The following BCAS4 variants were observed in gnomAD, a reference collection of about 807,000 sequenced individuals.
BCAS4 encodes the protein breast carcinoma-amplified sequence 4.
BCAS4 carries 9 observed loss-of-function variants against 15.7 expected under a neutral mutation model. The ratio of observed to expected loss-of-function variants is 0.57; its 90% CI spans 0.34 to 1.00. The LOEUF is 1.00. Among genes scored for constraint, BCAS4 ranks in the 50% least tolerant of loss-of-function variants. BCAS4 has a pLI of 0.02. For synonymous variants in BCAS4, 101 were observed against 99.5 expected (o/e 1.02, Z -0.09); for missense variants, 225 against 239.1 (o/e 0.94, Z 0.39).
At chr20:50,795,670 G>A (rs1024332877) in intron 1 of BCAS4, among the ~76,000 whole-genome samples, 8 of 152,260 alleles carry the variant, frequency 5.3e-5, no homozygotes, top group Non-Finnish European at 8.8e-5. Flanking sequence ...CTTCCGGCTG[G>A]AGGCATCTGT....
intron 1 of BCAS4, among the ~76,000 whole-genome samples, chr20:50,798,066 C>T (rs184681544): frequency 6.6e-6 from 1 of 151,884 alleles, no homozygotes; most frequent in African/African-American, 2.4e-5. Flanking sequence ...GAGGCCAGGG[C>T]AGGCGGATCA....
intron 3 of BCAS4, among the ~76,000 whole-genome samples, chr20:50,837,202 C>CG (rs766321442): frequency 8.5e-5 from 13 of 152,330 alleles, no homozygotes; most frequent in Admixed American, 2.0e-4. Context: ...AGTGGTAGAA[C>CG]TGGGGTTTCA....
intron 4 of BCAS4, among the ~76,000 whole-genome samples, chr20:50,857,579 C>T (rs1417622336): frequency 6.6e-6 from 1 of 152,220 alleles, no homozygotes; most frequent in Non-Finnish European, 1.5e-5. Context: ...AGGGGGACCG[C>T]TGCCATCTGA....
chr20:50,802,228 C>T (rs76487450), intron 1 of BCAS4, among the ~76,000 whole-genome samples: 20,985 of 152,016 alleles, frequency 0.14, 1,542 homozygotes, highest in South Asian at 0.16. Context: ...TTCATGGCCA[C>T]GTGGCTGCGG....
At chr20:50,879,874 T>G (rs4811098), downstream of BCAS4, 6 of 152,514 alleles carry the variant, frequency 3.9e-5, no homozygotes, top group Non-Finnish European at 7.3e-5. Flanking sequence ...ATGGCTCTGG[T>G]CTGATGGGTT....
chr20:50,813,963 G>GGCATTCATCTGCTC (rs1396667239), intron 1 of BCAS4, among the ~76,000 whole-genome samples: 1 of 152,106 alleles, frequency 6.6e-6, no homozygotes, highest in Non-Finnish European at 1.5e-5. Flanking sequence ...GAACAGCGAG[G>GGCATTCATCTGCTC]GCATTCATCT....
intron 4 of BCAS4, among the ~76,000 whole-genome samples, chr20:50,854,765 C>A (rs868671284): frequency 1.3e-5 from 2 of 152,206 alleles, no homozygotes; most frequent in Non-Finnish European, 2.9e-5. Flanking sequence ...CCAAACCCCC[C>A]CCACCATGCG....
intron 1 of BCAS4, among the ~76,000 whole-genome samples, chr20:50,808,102 T>C (rs867922358): frequency 6.8e-4 from 103 of 151,980 alleles, no homozygotes; most frequent in Middle Eastern, 3.4e-3. Context: ...TTAATAGAGA[T>C]GGGGTTTCAC....
At chr20:50,827,829 C>T (rs981918401) in intron 2 of BCAS4, among the ~76,000 whole-genome samples, 2 of 152,138 alleles carry the variant, frequency 1.3e-5, no homozygotes, top group African/African-American at 2.4e-5. Context: ...CGGGTTTAAG[C>T]GATTCTCCTG....
intron 1 of BCAS4, among the ~76,000 whole-genome samples, chr20:50,808,537 G>T (rs1266088027): frequency 2.0e-5 from 3 of 152,048 alleles, no homozygotes; most frequent in African/African-American, 4.8e-5. Context: ...TTGATTTTTT[G>T]ATTATAGCCA....
At chr20:50,875,476 C>G (rs1278128014) in intron 4 of BCAS4, among the ~76,000 whole-genome samples, 3 of 152,012 alleles carry the variant, frequency 2.0e-5, no homozygotes, top group Admixed American at 2.0e-4. Context: ...GAAGAAAAAT[C>G]AGTCCTGGCC....
intron 3 of BCAS4, among the ~76,000 whole-genome samples, chr20:50,838,461 G>C (rs529155306): frequency 1.7e-4 from 26 of 152,320 alleles, no homozygotes; most frequent in South Asian, 1.4e-3. Context: ...TGTAATCCCA[G>C]CACTTTGGGA....
chr20:50,859,466 TGAG>T (rs1978953354), intron 4 of BCAS4, among the ~76,000 whole-genome samples: 1 of 151,760 alleles, frequency 6.6e-6, no homozygotes, highest in Non-Finnish European at 1.5e-5. Context: ...GAGAGGTGTC[TGAG>T]GAGGAGGAGA....
chr20:50,876,545 C>T lies in BCAS4; in HGVS notation c.459C>T (p.Asp153=). 6.2e-7 allele frequency: 1 copy of T among 1,614,126 alleles called. No homozygotes were observed. The highest frequency in any genetic ancestry group is 8.5e-7 in the Non-Finnish European group (1 of 1,180,026). ...TGCCCACACTGTATAGGACGGAGGA[C>T]TATTTTCCTGTGGACGCCGGGGAAG... ...YELPTLYRTE[D]YFPVDAGEAQ... is the part of the protein sequence containing the mutation. Residue 153 remains aspartate (D), a synonymous_variant, in exon 5 of 5, where the codon GAC becomes GAT. Transcript: ENST00000371608.
At chr20:50,845,407 C>G (rs747938530) in intron 4 of BCAS4, among the ~76,000 whole-genome samples, 5 of 152,150 alleles carry the variant, frequency 3.3e-5, no homozygotes, top group South Asian at 2.1e-4. Context: ...CCTCCTCCCC[C>G]AGGGTGGACA....
chr20:50,837,315 A>G (rs895612623), intron 3 of BCAS4, among the ~76,000 whole-genome samples: 2 of 152,152 alleles, frequency 1.3e-5, no homozygotes, highest in African/African-American at 4.8e-5. Context: ...TTCTCCAGGC[A>G]TAGTGGCTCG....
chr20:50,826,549 A>G (rs1331992411), intron 2 of BCAS4, among the ~76,000 whole-genome samples: 3 of 152,228 alleles, frequency 2.0e-5, no homozygotes, highest in Admixed American at 1.3e-4. Flanking sequence ...GAGTTGCCAT[A>G]TTAACCCTAA....
At chr20:50,834,727 C>T (rs1188064981) in intron 3 of BCAS4, among the ~76,000 whole-genome samples, 8 of 152,176 alleles carry the variant, frequency 5.3e-5, no homozygotes, top group Admixed American at 2.6e-4. Context: ...CCCCAGCCCC[C>T]GGCTCTGGCA....
chr20:50,795,658 A>G (rs544935329), intron 1 of BCAS4, among the ~76,000 whole-genome samples: 10 of 152,218 alleles, frequency 6.6e-5, no homozygotes, highest in African/African-American at 2.4e-4. Flanking sequence ...GAGACCCTCT[A>G]CCTTCCGGCT....
Sources: gnomAD v4.1 joint callset for allele counts (sites outside exome capture counted in the v4.1 genomes callset) on GRCh38, gnomAD v4.1.1 for gene constraint, MANE v1.5 for transcripts, NCBI Gene and HGNC (gene_info 2026-07-23, HGNC 2026-07-21) for gene names.